MX2: variants seen among roughly 807,000 people sequenced by gnomAD.
The protein encoded by MX2 is interferon-induced GTP-binding protein Mx2.
MX2 carries 51 observed loss-of-function variants against 74.0 expected under a neutral mutation model. The ratio of observed to expected loss-of-function variants is 0.69; its 90% CI spans 0.55 to 0.87. MX2 has a LOEUF of 0.87. Ranked by LOEUF, MX2 falls within the 40% of genes least tolerant of loss-of-function variation. The pLI, the probability that MX2 is intolerant of heterozygous loss-of-function variation, is 0.00. For missense variants in MX2, 832 were observed against 908.7 expected (o/e 0.92, Z 1.09); for synonymous variants, 369 against 339.3 (o/e 1.09, Z -0.96).
At position 41,407,918 on chromosome 21, in the gene MX2, C is replaced by T. The variant is rs1290004057; in HGVS notation, c.1906-73C>T. 15 of 1,583,362 alleles carry T rather than the reference C, an allele frequency of 9.5e-6. No individual in the cohort carries two copies. The Admixed American group carries it at 2.6e-4, about 28-fold the overall frequency. On this transcript the variant is annotated intron_variant, in intron 13 of 13. Transcript: ENST00000330714. ...CAACCATGTGCGCATCCAGGAACTC[C>T]ATGCCTTCTCTCTGCAACCACAGGC...
chr21:41,387,414 T>C (rs927522376), intron 5 of MX2, among the ~76,000 whole-genome samples: 1 of 152,238 alleles, frequency 6.6e-6, no homozygotes, highest in African/African-American at 2.4e-5. Flanking sequence ...GACTCCACTT[T>C]CCCGGCAACA....
chr21:41,395,341 T>G (rs1388907136), intron 6 of MX2, among the ~76,000 whole-genome samples: 1 of 152,144 alleles, frequency 6.6e-6, no homozygotes, highest in African/African-American at 2.4e-5. Context: ...CCAGTAGGCA[T>G]CCACGAAATA....
In MX2 at chr21:41,408,537, T is replaced by TC; in HGVS notation, c.*309dup. The TC allele has an allele frequency of 3.1e-6, 1 of 318,880 alleles. No individual in the cohort carries two copies. The highest frequency in any genetic ancestry group is 5.8e-6 in the Non-Finnish European group (1 of 173,396). 19.8% of individuals were successfully genotyped at this position (318,880 alleles called of 1,614,324 possible). A position where few individuals can be genotyped will look rare whatever the true frequency, so the allele number is the denominator to read the frequency against. On this transcript the variant is annotated 3_prime_UTR_variant, in exon 14 of 14. Transcript: ENST00000330714. Reference sequence around the variant, plus strand: ...TCGCTAATTTGTATTTGTATTCCCTTCCCCCTACAAGATTATGAGACCCCA... The same window carrying TC: ...TCGCTAATTTGTATTTGTATTCCCTTCCCCCCTACAAGATTATGAGACCCCA...
intron 12 of MX2, chr21:41,404,734 C>T (rs1398035452): frequency 3.3e-5 from 5 of 152,212 alleles, no homozygotes; most frequent in African/African-American, 9.6e-5. Context: ...AGTAAATCTA[C>T]ATTTTACATC....
Position 41,366,297 on chromosome 21 carries a change from T to C in MX2, c.-72+4242T>C, listed in dbSNP as rs2089265168. 6.6e-6 allele frequency: 1 copy of C among 152,246 alleles called. No homozygotes were observed. Among genetic ancestry groups the C allele is most frequent in the South Asian group, 2.1e-4 (1 of 4,832 alleles). 9.4% of individuals were successfully genotyped at this position (152,246 alleles called of 1,614,324 possible). A position where few individuals can be genotyped will look rare whatever the true frequency, so the allele number is the denominator to read the frequency against. ...TTGATGAATTCCCTTTTTGCACCTG[T>C]ATATCACTCACGGGGCTGATCTATG... is the stretch of plus-strand genomic sequence containing the variant. On this transcript the variant is annotated intron_variant, in intron 1 of 13. Transcript: ENST00000330714. The surrounding 1 kb of genome is among the most constrained non-coding windows in gnomAD (Gnocchi z 4.5).
rs933077310 is a variant in MX2, at chr21:41,382,330, C to A, written c.578-80C>A. On this transcript the variant is annotated intron_variant, in intron 4 of 13. Coordinates refer to ENST00000330714, the MANE Select transcript of MX2 (RefSeq NM_002463.2). The stretch of plus-strand genomic sequence containing the variant: ...GAAGCTCTCATACCCTGGAAAGGAG[C>A]AGTCATTACCTTCAGGAACTGCTTC... The A allele has an allele frequency of 7.4e-6, 11 of 1,495,542 alleles. No individual in the cohort carries two copies. In the African/African-American group the frequency reaches 1.4e-4, roughly 19 times the overall value. 92.6% of individuals were successfully genotyped at this position (1,495,542 alleles called of 1,614,324 possible).
In MX2 at chr21:41,377,944, G is replaced by A. The variant is rs1046550017; in HGVS notation, c.405G>A (p.Leu135=). 21 of 1,614,048 alleles carry A rather than the reference G, an allele frequency of 1.3e-5. No individual in the cohort carries two copies. In the East Asian group the frequency reaches 4.5e-4, roughly 34 times the overall value. ...GDQSSGKSSV[L]EALSGVALPR... is the part of the protein sequence containing the mutation. ...AGAGCTCGGGCAAGAGCTCTGTGCT[G>A]GAGGCACTGTCAGGAGTCGCGCTTC... Residue 135 remains leucine, a synonymous_variant, in exon 3 of 14, where the codon CTG becomes CTA. Transcript: ENST00000330714.
chr21:41,408,019 T>A lies in MX2; in HGVS notation c.1934T>A (p.Ile645Asn), dbSNP rs753601222. 1.9e-6 allele frequency: 3 copies of A among 1,614,136 alleles called. No homozygotes were observed. The highest frequency in any genetic ancestry group is 1.7e-6 in the Non-Finnish European group (2 of 1,180,032). ...LETSKRLANQ[I>N]PFIIQYFMLR... ...ACCAGCAAACGTCTCGCCAACCAGA[T>A]CCCATTTATAATTCAGTATTTTATG... The change falls in exon 14 of 14, where the codon ATC (isoleucine) becomes AAC (asparagine). Residue 645 changes from isoleucine (I) to asparagine (N), a missense_variant. Ile to Asn is a moderately radical substitution (Grantham distance 149). Coordinates refer to ENST00000330714, the MANE Select transcript of MX2 (RefSeq NM_002463.2).
chr21:41,407,056 G>T (rs2089896533), intron 13 of MX2, 58 bp downstream of exon 13: 5 of 1,567,976 alleles, frequency 3.2e-6, no homozygotes, highest in Non-Finnish European at 4.3e-6. Context: ...CTGAGTAGGG[G>T]CTATGCTAAC....
chr21:41,387,360 C>G (rs1224551828), intron 5 of MX2, among the ~76,000 whole-genome samples: 1 of 152,244 alleles, frequency 6.6e-6, no homozygotes, highest in East Asian at 1.9e-4. Flanking sequence ...TCTCCCCAGA[C>G]TGTCCCTGTG....
rs577915161 is a variant in MX2, at chr21:41,377,682, T to C, written c.250-107T>C. On this transcript the variant is annotated intron_variant, in intron 2 of 13. Transcript: ENST00000330714. ...TCCATCCACCTTCTCACCTCCTGTC[T>C]GCAACCCAACCTAACATCATAGCCG... is the stretch of plus-strand genomic sequence containing the variant. The C allele has an allele frequency of 5.3e-5, 66 of 1,250,026 alleles. No homozygotes were observed. The South Asian group carries it at 8.9e-4, about 17-fold the overall frequency. The allele number at this position is 1,250,026 out of a possible 1,614,324, so 77.4% of individuals were successfully genotyped here.
rs2089285238 is a variant in MX2 at position 41,368,265 on chromosome 21, C to A, written c.-72+6210C>A. On this transcript the variant is annotated intron_variant, in intron 1 of 13. Transcript: ENST00000330714. This position sits in a 1 kb window ranked among gnomAD's most constrained non-coding sequence, Gnocchi z 4.6. ...GGCTCTTCCGTGTCGTCTCCGTGAG[C>A]CTGCAGGGGCACCCAGCCAGCCGAC... Among the ~76,000 whole-genome samples, 1 of 152,210 alleles carries A rather than the reference C, an allele frequency of 6.6e-6. No homozygotes were observed. Among genetic ancestry groups the A allele is most frequent in the South Asian group, 2.1e-4 (1 of 4,824 alleles).
At chr21:41,401,686 T>TTTG (rs1555878970) in intron 10 of MX2, 1 of 72,548 alleles carries the variant, frequency 1.4e-5, no homozygotes, top group Non-Finnish European at 2.1e-5. Flanking sequence ...TCTAATCAGG[T>TTTG]TTTTTTTTTT....
intron 1 of MX2, among the ~76,000 whole-genome samples, chr21:41,374,730 A>T (rs2089377195): frequency 6.6e-6 from 1 of 152,202 alleles, no homozygotes; most frequent in Non-Finnish European, 1.5e-5. Flanking sequence ...TGGACGCATG[A>T]GATTCAGTTG....
At position 41,392,705 on chromosome 21, in the gene MX2, A is replaced by G. The variant is rs908840566; in HGVS notation, c.871+2002A>G. Among the ~76,000 whole-genome samples, 9 of 152,024 alleles carry G rather than the reference A, an allele frequency of 5.9e-5. No individual in the cohort carries two copies. The East Asian group carries it at 1.8e-3, about 30-fold the overall frequency. The stretch of plus-strand genomic sequence containing the variant: ...CCATTTTTGTAAAGAAATTTTTTTT[A>G]AAAAAACAAGGTAGCTAAAGACAGA... On this transcript the variant is annotated intron_variant, in intron 6 of 13. Transcript: ENST00000330714.
At chr21:41,394,359 C>T (rs1422727482) in intron 6 of MX2, among the ~76,000 whole-genome samples, 1 of 152,064 alleles carries the variant, frequency 6.6e-6, no homozygotes, top group East Asian at 1.9e-4. Context: ...CTGGAGTGCT[C>T]CTTCTCCCTC....
In MX2 at chr21:41,390,241, T is replaced by C. The variant is rs1032967548; in HGVS notation, c.733-324T>C. On this transcript the variant is annotated intron_variant, in intron 5 of 13. Coordinates refer to ENST00000330714, the MANE Select transcript of MX2 (RefSeq NM_002463.2). Reference sequence around the variant, plus strand: ...CAGATACAACATACGCACAAGTCACTCTAATAGAAGGCAGGATCTCCAAGG... The same window carrying C: ...CAGATACAACATACGCACAAGTCACCCTAATAGAAGGCAGGATCTCCAAGG... 100 of 313,522 alleles carry C rather than the reference T, an allele frequency of 3.2e-4. 3 individuals are homozygous for C. The highest frequency in any genetic ancestry group is 5.1e-4 in the Non-Finnish European group (80 of 157,922). The allele number at this position is 313,522 out of a possible 1,614,324, so 19.4% of individuals were successfully genotyped here. A position where few individuals can be genotyped will look rare whatever the true frequency, so the allele number is the denominator to read the frequency against.
Position 41,376,925 on chromosome 21 carries a change from C to G in MX2, c.19C>G (p.Pro7Ala). The G allele has an allele frequency of 6.2e-7, 1 of 1,613,984 alleles. No homozygotes were observed. Among genetic ancestry groups the G allele is most frequent in the East Asian group, 2.2e-5 (1 of 44,876 alleles). Residue 7 changes from proline (P) to alanine (A), a missense_variant, in exon 2 of 14, where the codon CCT (proline) becomes GCT (alanine). Physicochemically the swap from Pro to Ala is conservative, Grantham distance 27 (BLOSUM62 -1). Transcript: ENST00000330714. ...ACAGCACATGTCTAAGGCCCACAAG[C>G]CTTGGCCCTACCGGAGGAGAAGTCA... MSKAHK[P>A]WPYRRRSQFS... is the part of the protein sequence containing the mutation.
intron 5 of MX2, among the ~76,000 whole-genome samples, chr21:41,386,151 C>A (rs568909669): frequency 1.6e-5 from 2 of 123,418 alleles, no homozygotes; most frequent in Non-Finnish European, 3.2e-5. Flanking sequence ...ACCCGGGAGG[C>A]GGAGCTTGCA....
Sources: allele counts gnomAD v4.1 joint callset (sites outside exome capture counted in the v4.1 genomes callset), GRCh38; gene constraint gnomAD v4.1.1; non-coding constraint Gnocchi (gnomAD v3.1); transcripts MANE v1.5; gene names NCBI Gene and HGNC (gene_info 2026-07-23, HGNC 2026-07-21).